The following KDM6A variants were observed in gnomAD, a reference collection of about 807,000 sequenced individuals.
KDM6A encodes lysine demethylase 6A.
A neutral mutation model predicts 117.6 loss-of-function variants in KDM6A; 11 were observed. That is an observed-to-expected ratio of 0.09 (90% CI 0.06 to 0.15). The LOEUF (loss-of-function observed/expected upper bound fraction) is 0.15, where lower values mean the gene tolerates loss of function less well. Ranked by LOEUF, KDM6A falls within the 10% of genes least tolerant of loss-of-function variation. The probability of loss-of-function intolerance (pLI) is 1.00; values close to 1 mark genes in which losing one functional copy is unlikely to be tolerated. For missense variants in KDM6A, 799 were observed against 1,077.3 expected (o/e 0.74, Z 3.62); for synonymous variants, 384 against 396.1 (o/e 0.97, Z 0.36).
intron 2 of KDM6A, among the ~76,000 whole-genome samples, chrX:44,893,212 G>A (rs1293200128): frequency 9.1e-6 from 1 of 110,048 alleles, no homozygotes; most frequent in African/African-American, 3.3e-5. Flanking sequence ...ACCTTGCTGG[G>A]ATTTTGATAG....
At chrX:45,042,956 A>G (rs1392360934) in intron 8 of KDM6A, among the ~76,000 whole-genome samples, 1 of 113,002 alleles carries the variant, frequency 8.8e-6, no homozygotes, top group African/African-American at 3.2e-5. Flanking sequence ...GTTAGCAAGT[A>G]CAATGGCTTT....
At chrX:44,898,986 G>A (rs1199263359) in intron 2 of KDM6A, among the ~76,000 whole-genome samples, 10 of 95,531 alleles carry the variant, frequency 1.0e-4, no homozygotes, top group Non-Finnish European at 1.8e-4. Context: ...CTGAAACTGC[G>A]GAGGGAGGGA....
intron 2 of KDM6A, among the ~76,000 whole-genome samples, chrX:44,918,396 C>A (rs983880807): frequency 4.5e-5 from 5 of 110,768 alleles, no homozygotes; most frequent in Admixed American, 9.7e-5. Context: ...TGCATATTAT[C>A]TCTTTTGGGG....
chrX:44,947,052 C>T (rs2037682020), intron 2 of KDM6A, among the ~76,000 whole-genome samples: 1 of 111,624 alleles, frequency 9.0e-6, no homozygotes. Flanking sequence ...TGTTGAAAGC[C>T]ATTTTCGTAG....
At chrX:44,883,152 T>C (rs980947104) in intron 2 of KDM6A, among the ~76,000 whole-genome samples, 13 of 107,226 alleles carry the variant, frequency 1.2e-4, no homozygotes, top group African/African-American at 4.1e-4. Context: ...CACTGCAACC[T>C]CTGCCTCCCA....
intron 27 of KDM6A, among the ~76,000 whole-genome samples, chrX:45,097,307 CA>C (rs935932837): frequency 7.2e-5 from 8 of 110,745 alleles, no homozygotes; most frequent in African/African-American, 2.3e-4. Flanking sequence ...CCCCATGACA[CA>C]AGCTTACCTA....
chrX:45,110,541 T>C (rs1465580401), intron 29 of KDM6A, among the ~76,000 whole-genome samples: 2 of 111,741 alleles, frequency 1.8e-5, no homozygotes, highest in Non-Finnish European at 3.8e-5. Context: ...TCATATCCTT[T>C]ATGTCATTTT....
intron 10 of KDM6A, among the ~76,000 whole-genome samples, chrX:45,057,490 C>T (rs767161881): frequency 5.4e-5 from 6 of 111,324 alleles, no homozygotes; most frequent in Non-Finnish European, 1.1e-4. Flanking sequence ...CAATTTTGGC[C>T]TGTTCTAAAC....
At chrX:45,082,922 A>G (rs2045481220) in intron 23 of KDM6A, 133 bp downstream of exon 23, 2 of 489,046 alleles carry the variant, frequency 4.1e-6, no homozygotes, top group Admixed American at 7.8e-5. Context: ...TTTAAGCTAA[A>G]CTTTTTTTGC....
At chrX:45,042,639 AC>A (rs2043323611) in intron 8 of KDM6A, among the ~76,000 whole-genome samples, 1 of 105,607 alleles carries the variant, frequency 9.5e-6, no homozygotes, top group East Asian at 3.0e-4. Flanking sequence ...AAGTTTCTCT[AC>A]TTCTCTACAT....
At chrX:44,978,037 C>T (rs1422582977) in intron 4 of KDM6A, among the ~76,000 whole-genome samples, 2 of 111,966 alleles carry the variant, frequency 1.8e-5, no homozygotes. Context: ...TTTGTGTTTG[C>T]CTGTGCAGAA....
intron 6 of KDM6A, among the ~76,000 whole-genome samples, chrX:45,033,832 C>A (rs1235163970): frequency 1.8e-5 from 2 of 110,711 alleles, no homozygotes; most frequent in Non-Finnish European, 3.8e-5. Flanking sequence ...GGATTACAGT[C>A]GTGAGCCACC....
rs1032545459 is a variant in KDM6A at position 45,063,474 on chromosome X, C to G, written c.1736C>G (p.Pro579Arg). 1.1e-5 allele frequency: 13 copies of G among 1,206,601 alleles called. No homozygotes were observed. The highest frequency in any genetic ancestry group is 1.5e-5 in the Non-Finnish European group (13 of 893,749). ...CGATCTACTGGAATTCCTAATGGGCCAACAGCTGACTCATCACTGCCTACA... is the reference window on the plus strand; with the variant it reads ...CGATCTACTGGAATTCCTAATGGGCGAACAGCTGACTCATCACTGCCTACA... ...QVRSTGIPNG[P>R]TADSSLPTNS... The change falls in exon 17 of 30, where the codon CCA (proline) becomes CGA (arginine). Residue 579 changes from proline to arginine, a missense_variant. By Grantham distance (103) the Pro-to-Arg change is moderately radical. Coordinates refer to ENST00000611820, the MANE Select transcript of KDM6A (RefSeq NM_001291415.2).
At chrX:45,013,667 T>C (rs764700826) in intron 5 of KDM6A, among the ~76,000 whole-genome samples, 38 of 112,251 alleles carry the variant, frequency 3.4e-4, no homozygotes, top group African/African-American at 1.2e-3. Flanking sequence ...ACCATCATTT[T>C]CTCATGTCTT....
chrX:44,925,523 T>C (rs1309776369), intron 2 of KDM6A, among the ~76,000 whole-genome samples: 1 of 112,018 alleles, frequency 8.9e-6, no homozygotes, highest in Non-Finnish European at 1.9e-5. Context: ...TAGTTTTGAT[T>C]TTGTGTTTAT....
At chrX:44,893,665 A>G (rs1056731638) in intron 2 of KDM6A, among the ~76,000 whole-genome samples, 9 of 110,000 alleles carry the variant, frequency 8.2e-5, no homozygotes, top group Non-Finnish European at 1.3e-4. Flanking sequence ...GCCCGCCACC[A>G]TGCCTGGCTA....
At chrX:44,923,696 C>T (rs1316956102) in intron 2 of KDM6A, among the ~76,000 whole-genome samples, 1 of 109,563 alleles carries the variant, frequency 9.1e-6, no homozygotes, top group African/African-American at 3.3e-5. Flanking sequence ...AGGCATGCGC[C>T]ATCATGCTAT....
intron 28 of KDM6A, among the ~76,000 whole-genome samples, chrX:45,108,294 G>T (rs1163440364): frequency 1.8e-5 from 2 of 111,473 alleles, no homozygotes; most frequent in Non-Finnish European, 3.8e-5. Flanking sequence ...AATGTGTTCC[G>T]ATTTGGCTGG....
At chrX:44,889,883 A>G (rs1275401382) in intron 2 of KDM6A, among the ~76,000 whole-genome samples, 1 of 112,360 alleles carries the variant, frequency 8.9e-6, no homozygotes, top group African/African-American at 3.2e-5. Context: ...TTGTAGATTT[A>G]TATGCATTTT....
Sources: gnomAD v4.1 joint callset for allele counts (sites outside exome capture counted in the v4.1 genomes callset) on GRCh38, gnomAD v4.1.1 for gene constraint, MANE v1.5 for transcripts, NCBI Gene and HGNC (gene_info 2026-07-23, HGNC 2026-07-21) for gene names.